The following EFCAB11 variants were observed in gnomAD, a reference collection of about 807,000 sequenced individuals.
EFCAB11 encodes the protein EF-hand calcium-binding domain-containing protein 11.
A neutral mutation model predicts 23.0 loss-of-function variants in EFCAB11; 14 were observed. The ratio of observed to expected loss-of-function variants is 0.61; its 90% CI spans 0.40 to 0.95. EFCAB11 has a LOEUF of 0.95. Ranked by LOEUF, EFCAB11 falls within the 40% of genes least tolerant of loss-of-function variation. EFCAB11 has a pLI of 0.00. For missense variants in EFCAB11, 198 were observed against 195.8 expected, an observed-to-expected ratio of 1.01 and a Z score of -0.07; for synonymous variants, 65 against 66.6, an observed-to-expected ratio of 0.98 and a Z score of 0.11.
At chr14:89,891,100 G>A (rs1566799249) in intron 5 of EFCAB11, among the ~76,000 whole-genome samples, 1 of 152,146 alleles carries the variant, frequency 6.6e-6, no homozygotes, top group Non-Finnish European at 1.5e-5. Context: ...ATATAGTCCT[G>A]TACTGACTGT....
intron 5 of EFCAB11, among the ~76,000 whole-genome samples, chr14:89,869,097 G>A (rs1412983212): frequency 1.3e-5 from 2 of 152,218 alleles, no homozygotes; most frequent in East Asian, 3.9e-4. Flanking sequence ...CAGCTACTTG[G>A]AAGGCTGAAG....
Position 89,953,990 on chromosome 14 carries a change from T to G in EFCAB11, c.87A>C (p.Ala29=). ...GATATCCTTTGTGATCTTCATCACA[T>G]GCTTTAAATACCTGAAGAACATTAA... ...EHRKWVEVFK[A]CDEDHKGYLS... Residue 29 remains alanine (A), a synonymous_variant, in exon 2 of 6, where the codon GCA becomes GCC. Coordinates refer to ENST00000316738, the MANE Select transcript of EFCAB11 (RefSeq NM_145231.4). 6.2e-7 allele frequency: 1 copy of G among 1,612,068 alleles called. No individual in the cohort carries two copies.
At chr14:89,922,898 A>G (rs1890065174) in intron 5 of EFCAB11, among the ~76,000 whole-genome samples, 1 of 152,228 alleles carries the variant, frequency 6.6e-6, no homozygotes, top group South Asian at 2.1e-4. Flanking sequence ...GTGGCAGAGT[A>G]GGGCCGGCTT....
chr14:89,950,527 A>G (rs866452256), intron 2 of EFCAB11, among the ~76,000 whole-genome samples: 2 of 152,208 alleles, frequency 1.3e-5, no homozygotes, highest in African/African-American at 2.4e-5. Context: ...CCTAATTATA[A>G]AAGTATCACA....
At chr14:89,932,907 C>A (rs1390517914) in intron 3 of EFCAB11, among the ~76,000 whole-genome samples, 2 of 152,114 alleles carry the variant, frequency 1.3e-5, no homozygotes. Flanking sequence ...GAATGGTGAC[C>A]TTGAAAAAAC....
At chr14:89,832,110 C>T (rs1016890371) in intron 5 of EFCAB11, among the ~76,000 whole-genome samples, 1 of 151,978 alleles carries the variant, frequency 6.6e-6, no homozygotes, top group Non-Finnish European at 1.5e-5. Context: ...GTCATGAGTT[C>T]GAGACCAGCC....
chr14:89,883,582 T>C (rs1169004816), intron 5 of EFCAB11, among the ~76,000 whole-genome samples: 1 of 152,138 alleles, frequency 6.6e-6, no homozygotes, highest in Non-Finnish European at 1.5e-5. Flanking sequence ...TAGGAAATAA[T>C]GACAAAGAAA....
intron 5 of EFCAB11, chr14:89,923,323 C>G (rs1890079143): frequency 6.6e-6 from 1 of 152,152 alleles, no homozygotes; most frequent in Non-Finnish European, 1.5e-5. Context: ...ATGTGAAAAT[C>G]CCTAGAAGTC....
intron 5 of EFCAB11, among the ~76,000 whole-genome samples, chr14:89,823,430 A>T (rs1886592471): frequency 6.6e-6 from 1 of 152,216 alleles, no homozygotes; most frequent in Non-Finnish European, 1.5e-5. Flanking sequence ...AAGCAAAAAC[A>T]ATGAGTCCAC....
At chr14:89,821,262 G>A (rs1475950182) in intron 5 of EFCAB11, among the ~76,000 whole-genome samples, 1 of 152,152 alleles carries the variant, frequency 6.6e-6, no homozygotes, top group Non-Finnish European at 1.5e-5. Context: ...GGCAAAGACT[G>A]AGATCTCCCA....
chr14:89,941,869 T>C (rs1890807325), intron 3 of EFCAB11, among the ~76,000 whole-genome samples: 2 of 152,044 alleles, frequency 1.3e-5, no homozygotes, highest in South Asian at 2.1e-4. Context: ...AAATAAAATA[T>C]AATGAGGATA....
intron 5 of EFCAB11, among the ~76,000 whole-genome samples, chr14:89,865,168 G>T (rs1430288555): frequency 1.3e-5 from 2 of 152,212 alleles, no homozygotes; most frequent in African/African-American, 4.8e-5. Context: ...AAGGCTGAAA[G>T]AACATCAGAG....
chr14:89,929,473 G>A (rs1408299184), intron 5 of EFCAB11, among the ~76,000 whole-genome samples: 3 of 152,100 alleles, frequency 2.0e-5, no homozygotes, highest in East Asian at 3.9e-4. Context: ...AGCAACCTCC[G>A]CATCCCAGGT....
At chr14:89,804,629 T>TTATTTGAGAGA (rs1885906010) in intron 5 of EFCAB11, among the ~76,000 whole-genome samples, 1 of 152,192 alleles carries the variant, frequency 6.6e-6, no homozygotes, top group African/African-American at 2.4e-5. Flanking sequence ...TTTTGAGAGA[T>TTATTTGAGAGA]GAAACTTCAC....
At chr14:89,894,248 C>T (rs1889087432) in intron 5 of EFCAB11, among the ~76,000 whole-genome samples, 1 of 152,012 alleles carries the variant, frequency 6.6e-6, no homozygotes, top group South Asian at 2.1e-4. Flanking sequence ...CCGCACCCAG[C>T]CTTGATTTTT....
At chr14:89,932,665 T>C (rs1890435531) in intron 3 of EFCAB11, 38 bp from the exon 4 acceptor site, 2 of 1,488,400 alleles carry the variant, frequency 1.3e-6, no homozygotes, top group Non-Finnish European at 1.9e-6. Flanking sequence ...CAAAGATTAT[T>C]GTCTTCCTCT....
chr14:89,922,608 A>G (rs1890054315), intron 5 of EFCAB11, among the ~76,000 whole-genome samples: 1 of 152,182 alleles, frequency 6.6e-6, no homozygotes, highest in South Asian at 2.1e-4. Flanking sequence ...AAAACAAATA[A>G]TAGTAATAAA....
intron 5 of EFCAB11, among the ~76,000 whole-genome samples, chr14:89,895,500 G>A (rs531624432): frequency 6.6e-6 from 1 of 152,154 alleles, no homozygotes; most frequent in Non-Finnish European, 1.5e-5. Context: ...TAAGTGACCA[G>A]TGAAACAACA....
In EFCAB11 at chr14:89,926,104, C is replaced by T. The variant is rs564621289; in HGVS notation, c.410+5437G>A. Among the ~76,000 whole-genome samples the T allele has an allele frequency of 3.9e-5, 6 of 152,148 alleles. No individual in the cohort carries two copies. In the East Asian group the frequency reaches 9.7e-4, roughly 24 times the overall value. ...GTGTTGGATTACAGGCATGAGCCACCGCACCCACCCGAAAGTTTTAAGTTT... is the reference window on the plus strand; with the variant it reads ...GTGTTGGATTACAGGCATGAGCCACTGCACCCACCCGAAAGTTTTAAGTTT... On this transcript the variant is annotated intron_variant, in intron 5 of 5. Transcript: ENST00000316738.
Sources: allele counts gnomAD v4.1 joint callset (sites outside exome capture counted in the v4.1 genomes callset), GRCh38; gene constraint gnomAD v4.1.1; transcripts MANE v1.5; gene names NCBI Gene and HGNC (gene_info 2026-07-23, HGNC 2026-07-21).